Variants in ACSM3 observed in about 807,000 individuals in gnomAD.
ACSM3 encodes acyl-coenzyme A synthetase ACSM3, mitochondrial.
A neutral mutation model predicts 74.1 loss-of-function variants in ACSM3; 61 were observed. That is an observed-to-expected ratio of 0.82 (90% CI 0.67 to 1.02). The LOEUF (loss-of-function observed/expected upper bound fraction) is 1.02, where lower values mean the gene tolerates loss of function less well. Among genes scored for constraint, ACSM3 ranks in the 50% least tolerant of loss-of-function variants. ACSM3 has a pLI of 0.00. For synonymous variants in ACSM3, 213 were observed against 241.5 expected (o/e 0.88, Z 1.09); for missense variants, 660 against 697.0 (o/e 0.95, Z 0.60).
intron 1 of ACSM3, chr16:20,737,803 C>T (rs1441145463): frequency 6.2e-7 from 1 of 1,613,636 alleles, no homozygotes; most frequent in Non-Finnish European, 8.5e-7. Context: ...AGCTTTAAAC[C>T]AGGGTTCCAA....
chr16:20,737,003 A>G (rs1461142743), intron 1 of ACSM3: 2 of 1,613,952 alleles, frequency 1.2e-6, no homozygotes, highest in Admixed American at 1.7e-5. Flanking sequence ...CCAGCTCCTC[A>G]GTATTCTCTG....
At chr16:20,693,515 TC>T (rs2079673918) in intron 1 of ACSM3, among the ~76,000 whole-genome samples, 2 of 152,184 alleles carry the variant, frequency 1.3e-5, no homozygotes, top group African/African-American at 4.8e-5. Context: ...ACATTTAAGT[TC>T]CCTCTTGCTC....
intron 1 of ACSM3, among the ~76,000 whole-genome samples, chr16:20,767,110 CAG>C (rs1161905762): frequency 3.3e-5 from 5 of 151,830 alleles, no homozygotes; most frequent in African/African-American, 1.2e-4. Context: ...AAATTAAAAA[CAG>C]AGAGAGACAA....
chr16:20,712,798 A>G (rs1393889225), intron 1 of ACSM3, among the ~76,000 whole-genome samples: 4 of 151,674 alleles, frequency 2.6e-5, no homozygotes, highest in Non-Finnish European at 5.9e-5. Flanking sequence ...CTGTAATCAT[A>G]GCTACTTGGG....
chr16:20,763,863 G>T (rs1275116655), upstream of ACSM3: 1 of 152,214 alleles, frequency 6.6e-6, no homozygotes, highest in East Asian at 1.9e-4. Context: ...AAAGCTTGCT[G>T]TTTCTGTAAA....
intron 4 of ACSM3, among the ~76,000 whole-genome samples, chr16:20,778,058 A>G (rs2152462616): frequency 6.6e-6 from 1 of 152,362 alleles, no homozygotes; most frequent in Admixed American, 6.5e-5. Context: ...CACTGTCTTC[A>G]GTCAAGGCAA....
Position 20,790,880 on chromosome 16 carries a change from T to A in ACSM3, c.1326+192T>A. 1 of 1,613,970 alleles carries A rather than the reference T, an allele frequency of 6.2e-7. No individual in the cohort carries two copies. The highest frequency in any genetic ancestry group is 8.5e-7 in the Non-Finnish European group (1 of 1,179,942). ...TTCTTGCTGAAGAAAAGCATGCTGG[T>A]CCCCTGAGGCCAGATCACTGTTCCA... On this transcript the variant is annotated intron_variant, in intron 10 of 13. Coordinates refer to ENST00000289416, the MANE Select transcript of ACSM3 (RefSeq NM_005622.4). The surrounding 1 kb of genome is among the most constrained non-coding windows in gnomAD (Gnocchi z 4.0).
intron 1 of ACSM3, among the ~76,000 whole-genome samples, chr16:20,767,918 A>G (rs1487654486): frequency 6.6e-6 from 1 of 152,228 alleles, no homozygotes; most frequent in Non-Finnish European, 1.5e-5. Context: ...AAATTAAATG[A>G]AATTCTAGTG....
At chr16:20,745,314 G>A (rs948254427) in intron 1 of ACSM3, among the ~76,000 whole-genome samples, 2 of 152,008 alleles carry the variant, frequency 1.3e-5, no homozygotes, top group South Asian at 4.2e-4. Flanking sequence ...GGCCAGGCAC[G>A]GTGGCTCACG....
chr16:20,790,055 A>T lies in ACSM3; in HGVS notation c.1225-532A>T, dbSNP rs575687172. 2.0e-5 allele frequency among the ~76,000 whole-genome samples: 3 copies of T among 152,304 alleles called. No individual in the cohort carries two copies. Among genetic ancestry groups the T allele is most frequent in the Non-Finnish European group, 4.4e-5 (3 of 68,026 alleles). On this transcript the variant is annotated intron_variant, in intron 9 of 13. Transcript: ENST00000289416. This position sits in a 1 kb window ranked among gnomAD's most constrained non-coding sequence, Gnocchi z 4.0. ...ATTATTGCTGGATGGTAAAATTTTT[A>T]AAAAATTTTATCCTGCGTTCACATG...
intron 1 of ACSM3, among the ~76,000 whole-genome samples, chr16:20,716,891 T>C (rs989928584): frequency 6.6e-6 from 1 of 152,230 alleles, no homozygotes. Flanking sequence ...AAAGGAATCA[T>C]GGAGCTATCT....
intron 1 of ACSM3, among the ~76,000 whole-genome samples, chr16:20,729,783 TA>T (rs5816134): frequency 6.3e-3 from 894 of 142,658 alleles, no homozygotes; most frequent in Middle Eastern, 7.0e-3. Flanking sequence ...TGCCTTAAGT[TA>T]AAAAAAAAAA....
chr16:20,716,842 C>T (rs1401301742), intron 1 of ACSM3, among the ~76,000 whole-genome samples: 1 of 152,148 alleles, frequency 6.6e-6, no homozygotes, highest in Admixed American at 6.5e-5. Flanking sequence ...TCGTAGCCCC[C>T]ACGGCCTGGT....
intron 12 of ACSM3, chr16:20,796,104 C>T (rs1596545459): frequency 5.6e-6 from 2 of 356,788 alleles, no homozygotes; most frequent in East Asian, 1.1e-4. Flanking sequence ...ATGGCAAACT[C>T]AGCGTGACTA....
rs2080389873 is a variant in ACSM3, at chr16:20,783,123, A to G, written c.1019+1336A>G. The G allele has an allele frequency of 1.3e-5, 2 of 152,170 alleles. 1 individual carries two copies. Among genetic ancestry groups the G allele is most frequent in the African/African-American group, 4.8e-5 (2 of 41,440 alleles). The allele number at this position is 152,170 out of a possible 1,614,324, so 9.4% of individuals were successfully genotyped here. On this transcript the variant is annotated intron_variant, in intron 7 of 13. Transcript: ENST00000289416. ...AGTCTTTCTTGTGACCAACCCCTAT[A>G]CGGGAGCCCCATTGAGAGTCGCCTC...
chr16:20,731,164 C>A (rs1156524735), intron 1 of ACSM3, among the ~76,000 whole-genome samples: 3 of 152,190 alleles, frequency 2.0e-5, no homozygotes, highest in Non-Finnish European at 4.4e-5. Context: ...CTACACTCAG[C>A]CCCTTCCTGA....
At chr16:20,793,921 T>A (rs1010019262) in intron 12 of ACSM3, among the ~76,000 whole-genome samples, 2 of 152,172 alleles carry the variant, frequency 1.3e-5, no homozygotes, top group African/African-American at 4.8e-5. Context: ...CCACCTGATA[T>A]CCTAGCGTAC....
intron 1 of ACSM3, among the ~76,000 whole-genome samples, chr16:20,700,184 G>C (rs163253): frequency 6.6e-6 from 1 of 152,058 alleles, no homozygotes; most frequent in Non-Finnish European, 1.5e-5. Context: ...ACTTGCTATC[G>C]TCTGCTTATT....
chr16:20,716,394 G>T (rs1315280457), intron 1 of ACSM3, among the ~76,000 whole-genome samples: 1 of 152,042 alleles, frequency 6.6e-6, no homozygotes, highest in Non-Finnish European at 1.5e-5. Context: ...TGTGCCAAAG[G>T]GTGGAAGACT....
Sources: gnomAD v4.1 joint callset for allele counts (sites outside exome capture counted in the v4.1 genomes callset) on GRCh38, gnomAD v4.1.1 for gene constraint, Gnocchi (gnomAD v3.1) non-coding constraint, MANE v1.5 for transcripts, NCBI Gene and HGNC (gene_info 2026-07-23, HGNC 2026-07-21) for gene names.